The following KLRK1 variants were observed in gnomAD, a reference collection of about 807,000 sequenced individuals.
KLRK1 encodes NKG2-D type II integral membrane protein.
In KLRK1, 40 loss-of-function variants were observed where a neutral mutation model predicts 31.3. The ratio of observed to expected loss-of-function variants is 1.28; its 90% CI spans 0.99 to 1.67. The LOEUF (loss-of-function observed/expected upper bound fraction) is 1.67, where lower values mean the gene tolerates loss of function less well. Ranked by LOEUF, KLRK1 falls within the 40% of genes most tolerant of loss-of-function variation. The pLI, the probability that KLRK1 is intolerant of heterozygous loss-of-function variation, is 0.00. For missense variants in KLRK1, 251 were observed against 260.0 expected (o/e 0.97, Z 0.24); for synonymous variants, 77 against 77.3 (o/e 1.00, Z 0.02).
At chr12:10,383,869 A>G (rs1863120087) in intron 3 of KLRK1, among the ~76,000 whole-genome samples, 1 of 152,078 alleles carries the variant, frequency 6.6e-6, no homozygotes, top group Admixed American at 6.5e-5. Flanking sequence ...ATACATGAAA[A>G]TTAAACAACA....
rs1354780127 is a variant in KLRK1, at chr12:10,379,489, A to G, written c.242-7T>C. ...ACTTCTTGGTTGAATAATGCTATTA[A>G]AATAACCATAAGTATTAAAAGTTTG... On this transcript the variant is annotated splice_region_variant and splice_polypyrimidine_tract_variant and intron_variant, in intron 4 of 7. Coordinates refer to ENST00000240618, the MANE Select transcript of KLRK1 (RefSeq NM_007360.4). 2 of 1,467,482 alleles carry G rather than the reference A, an allele frequency of 1.4e-6. No homozygotes were observed. 90.9% of individuals were successfully genotyped at this position (1,467,482 alleles called of 1,614,324 possible). A position where few individuals can be genotyped will look rare whatever the true frequency, so the allele number is the denominator to read the frequency against.
intron 3 of KLRK1, among the ~76,000 whole-genome samples, chr12:10,380,312 G>A (rs1429509139): frequency 1.3e-5 from 2 of 151,998 alleles, no homozygotes; most frequent in African/African-American, 2.4e-5. Flanking sequence ...TGATCCGCCC[G>A]CCTCGGCCTC....
intron 2 of KLRK1, 111 bp from the exon 3 acceptor site, chr12:10,387,121 C>G: frequency 1.5e-6 from 1 of 674,082 alleles, no homozygotes; most frequent in Admixed American, 3.2e-5. Context: ...CCTGACTATC[C>G]TTTTTAAAGT....
chr12:10,382,948 C>G (rs1437117582), intron 3 of KLRK1, among the ~76,000 whole-genome samples: 1 of 151,922 alleles, frequency 6.6e-6, no homozygotes, highest in Non-Finnish European at 1.5e-5. Context: ...AAAATAATTG[C>G]TATAAGCTAT....
At chr12:10,382,412 CT>C (rs1323663968) in intron 3 of KLRK1, among the ~76,000 whole-genome samples, 1 of 152,100 alleles carries the variant, frequency 6.6e-6, no homozygotes, top group African/African-American at 2.4e-5. Context: ...TTAGCAGAAA[CT>C]TTATAGGCCA....
At chr12:10,385,669 C>T (rs983297189) in intron 3 of KLRK1, among the ~76,000 whole-genome samples, 1 of 151,764 alleles carries the variant, frequency 6.6e-6, no homozygotes, top group Non-Finnish European at 1.5e-5. Context: ...CAGCTACATG[C>T]GGGATTTTTC....
At chr12:10,375,025 GAATC>G (rs1195109064) in intron 7 of KLRK1, among the ~76,000 whole-genome samples, 1 of 123,168 alleles carries the variant, frequency 8.1e-6, no homozygotes, top group East Asian at 2.4e-4. Flanking sequence ...ATTTTTTAGA[GAATC>G]AATGTTTTTT....
chr12:10,375,241 A>G (rs1456486385), intron 7 of KLRK1, among the ~76,000 whole-genome samples: 1 of 152,232 alleles, frequency 6.6e-6, no homozygotes, highest in Admixed American at 6.5e-5. Flanking sequence ...TCATTAAAGT[A>G]GCAAAGTAAA....
intron 1 of KLRK1, among the ~76,000 whole-genome samples, chr12:10,389,524 G>C (rs1863235911): frequency 6.6e-6 from 1 of 152,122 alleles, no homozygotes; most frequent in Admixed American, 6.6e-5. Context: ...GATTATGATA[G>C]TTGGAAAGCA....
rs1188317323 is a variant in KLRK1 at position 10,379,527 on chromosome 12, CTT to C, written c.242-47_242-46del. 5 of 1,359,066 alleles carry C rather than the reference CTT, an allele frequency of 3.7e-6. No individual in the cohort carries two copies. In the South Asian group the frequency reaches 7.1e-5, roughly 19 times the overall value. 84.2% of individuals were successfully genotyped at this position (1,359,066 alleles called of 1,614,324 possible). On this transcript the variant is annotated intron_variant, in intron 4 of 7. Transcript: ENST00000240618. The stretch of plus-strand genomic sequence containing the variant: ...TATTAAAAGTTTGTATTGTTAGTAA[CTT>C]ATAGTATAAGCAAATATAGTTTACA...
chr12:10,379,948 G>A (rs1225375167), intron 3 of KLRK1, 156 bp from the exon 4 acceptor site: 7 of 500,882 alleles, frequency 1.4e-5, no homozygotes, highest in South Asian at 9.3e-5. Context: ...TAAATACCTC[G>A]CAAATGATCA....
intron 7 of KLRK1, among the ~76,000 whole-genome samples, chr12:10,376,996 T>C (rs1862980104): frequency 6.6e-6 from 1 of 152,094 alleles, no homozygotes; most frequent in South Asian, 2.1e-4. Context: ...TTTGTATTTT[T>C]AGTAGAGACA....
At position 10,379,964 on chromosome 12, in the gene KLRK1, T is replaced by C. The variant is rs1863039979; in HGVS notation, c.149-172A>G. 6.6e-6 allele frequency: 3 copies of C among 455,326 alleles called. No individual in the cohort carries two copies. The South Asian group carries it at 1.5e-4, about 22-fold the overall frequency. 28.2% of individuals were successfully genotyped at this position (455,326 alleles called of 1,614,324 possible). On this transcript the variant is annotated intron_variant, in intron 3 of 7. Coordinates refer to ENST00000240618, the MANE Select transcript of KLRK1 (RefSeq NM_007360.4). ...AAATACCTCGCAAATGATCAAAAAC[T>C]AGAGTACAACAATGTAATATTTCCT...
intron 3 of KLRK1, chr12:10,382,173 T>TTC (rs1863087215): frequency 6.6e-6 from 1 of 152,222 alleles, no homozygotes; most frequent in African/African-American, 2.4e-5. Context: ...AGCACTGGTC[T>TTC]GGGAGGCTGT....
chr12:10,386,259 G>A (rs947248683), intron 3 of KLRK1, among the ~76,000 whole-genome samples: 2 of 152,034 alleles, frequency 1.3e-5, no homozygotes, highest in Non-Finnish European at 2.9e-5. Flanking sequence ...GAGGGAAAGG[G>A]CATGTGTGTT....
intron 7 of KLRK1, among the ~76,000 whole-genome samples, chr12:10,375,003 A>AT (rs1357433924): frequency 1.3e-5 from 2 of 151,300 alleles, no homozygotes; most frequent in African/African-American, 4.9e-5. Context: ...AGAAACTATG[A>AT]TATAAACTCT....
intron 7 of KLRK1, among the ~76,000 whole-genome samples, chr12:10,377,852 C>T (rs1400661566): frequency 2.0e-5 from 3 of 152,092 alleles, no homozygotes; most frequent in African/African-American, 7.2e-5. Context: ...AATATTTAAC[C>T]TCTCTGTTTC....
chr12:10,376,033 ACC>A (rs1862958673), intron 7 of KLRK1, among the ~76,000 whole-genome samples: 1 of 152,236 alleles, frequency 6.6e-6, no homozygotes, highest in Non-Finnish European at 1.5e-5. Context: ...GCAGAAGGTC[ACC>A]TTTGAATATT....
intron 3 of KLRK1, 124 bp from the exon 4 acceptor site, chr12:10,379,916 T>A: frequency 1.2e-6 from 1 of 843,188 alleles, no homozygotes. Flanking sequence ...TCTGCCTTAA[T>A]AATTTTTTCC....
Sources: allele counts gnomAD v4.1 joint callset (sites outside exome capture counted in the v4.1 genomes callset), GRCh38; gene constraint gnomAD v4.1.1; transcripts MANE v1.5; gene names NCBI Gene and HGNC (gene_info 2026-07-23, HGNC 2026-07-21).